CSN3: variants seen among roughly 807,000 people sequenced by gnomAD.
The protein encoded by CSN3 is casein kappa.
Under a neutral mutation model 9.9 loss-of-function variants are expected in CSN3, and 7 were observed. The ratio of observed to expected loss-of-function variants is 0.71; its 90% CI spans 0.40 to 1.33. The LOEUF is 1.33. Among genes scored for constraint, CSN3 ranks in the 40% most tolerant of loss-of-function variants. The pLI, the probability that CSN3 is intolerant of heterozygous loss-of-function variation, is 0.01. For missense variants in CSN3, 253 were observed against 227.9 expected, an observed-to-expected ratio of 1.11 and a Z score of -0.71; for synonymous variants, 88 against 82.3, an observed-to-expected ratio of 1.07 and a Z score of -0.37.
chr4:70,239,296 C>T (rs1514403), upstream of CSN3, among the ~76,000 whole-genome samples: 17,181 of 151,708 alleles, frequency 0.11, 1,276 homozygotes, highest in East Asian at 0.27. Flanking sequence ...GCTGCTACAA[C>T]ATTGAGTGGG....
chr4:70,242,418 G>A (rs975393451), upstream of CSN3, among the ~76,000 whole-genome samples: 1 of 119,838 alleles, frequency 8.3e-6, no homozygotes, highest in Non-Finnish European at 2.0e-5. Flanking sequence ...CCACTAACTC[G>A]TCATCTAGCA....
exon 4 of CSN3, chr4:70,249,203 A>G: frequency 6.2e-7 from 1 of 1,614,044 alleles, no homozygotes; most frequent in Non-Finnish European, 8.5e-7. Flanking sequence ...CAGCGGCAAT[A>G]CCTGCCAAAT....
At chr4:70,246,953 G>A (rs1296259332) in intron 2 of CSN3, among the ~76,000 whole-genome samples, 3 of 151,946 alleles carry the variant, frequency 2.0e-5, no homozygotes, top group Non-Finnish European at 4.4e-5. Context: ...ATTACAGGGT[G>A]AGACATGTGC....
chr4:70,245,422 A>C (rs1730358595), intron 2 of CSN3, among the ~76,000 whole-genome samples: 1 of 152,086 alleles, frequency 6.6e-6, no homozygotes, highest in African/African-American at 2.4e-5. Context: ...CAATTGACTG[A>C]CCCCTTTCCA....
intron 4 of CSN3, among the ~76,000 whole-genome samples, chr4:70,249,741 T>C (rs748828100): frequency 8.5e-5 from 13 of 152,316 alleles, no homozygotes; most frequent in Non-Finnish European, 1.9e-4. Flanking sequence ...TCAAACTTTT[T>C]TCTGACAATT....
intron 3 of CSN3, among the ~76,000 whole-genome samples, chr4:70,248,344 A>T (rs1730418693): frequency 6.6e-6 from 1 of 152,142 alleles, no homozygotes; most frequent in Non-Finnish European, 1.5e-5. Context: ...ATTTCTATTC[A>T]TATGGAAAGG....
upstream of CSN3, among the ~76,000 whole-genome samples, chr4:70,240,443 G>C (rs150444605): frequency 7.0e-4 from 107 of 152,064 alleles, no homozygotes; most frequent in Non-Finnish European, 1.2e-3. Flanking sequence ...CCTGTTGATG[G>C]ATGCATAAGT....
At chr4:70,241,744 T>C (rs1382414576), upstream of CSN3, among the ~76,000 whole-genome samples, 2 of 147,918 alleles carry the variant, frequency 1.4e-5, no homozygotes, top group Non-Finnish European at 3.0e-5. Context: ...AATTTTTTTT[T>C]CAAAATGGTT....
chr4:70,246,973 T>A (rs1030923982), intron 2 of CSN3, among the ~76,000 whole-genome samples: 5 of 152,196 alleles, frequency 3.3e-5, no homozygotes, highest in Admixed American at 6.5e-5. Context: ...CCCGGCCTCA[T>A]ATTACTTCTT....
chr4:70,240,540 T>G (rs960573559), upstream of CSN3, among the ~76,000 whole-genome samples: 2 of 151,978 alleles, frequency 1.3e-5, no homozygotes, highest in Non-Finnish European at 1.5e-5. Flanking sequence ...CCTTGGAGAT[T>G]TCAGAGCATG....
chr4:70,247,882 C>G (rs772341345), intron 3 of CSN3, 32 bp downstream of exon 3: 1 of 1,553,334 alleles, frequency 6.4e-7, no homozygotes, highest in Admixed American at 1.9e-5. Flanking sequence ...CTGTTACAGG[C>G]ATGAACTACA....
intron 4 of CSN3, among the ~76,000 whole-genome samples, chr4:70,250,354 T>C (rs1730458174): frequency 6.6e-6 from 1 of 152,128 alleles, no homozygotes; most frequent in Non-Finnish European, 1.5e-5. Flanking sequence ...CAGACAATGG[T>C]CTGTGATATC....
At chr4:70,240,473 C>T (rs532198978), upstream of CSN3, among the ~76,000 whole-genome samples, 90 of 152,062 alleles carry the variant, frequency 5.9e-4, no homozygotes, top group South Asian at 0.017. Flanking sequence ...CTGGTGGATT[C>T]GTTCCAGGTT....
chr4:70,247,839 A>G lies in CSN3; in HGVS notation c.76A>G (p.Lys26Glu), dbSNP rs758086400. The G allele has an allele frequency of 2.5e-6, 4 of 1,598,388 alleles. No individual in the cohort carries two copies. In the South Asian group the frequency reaches 4.6e-5, roughly 18 times the overall value. The stretch of plus-strand genomic sequence containing the variant: ...CCAGGCTGTGGAGGTTCAAAACCAG[A>G]AACAACCAGCAGTAAGTCTATTTTA... The change falls in exon 3 of 5, where the codon AAA (lysine) becomes GAA (glutamate). Residue 26 changes from lysine to glutamate, a missense_variant. By Grantham distance (56) the Lys-to-Glu change is moderately conservative. Coordinates refer to ENST00000304954, the Ensembl canonical transcript of CSN3.
At chr4:70,242,292 T>C (rs540850861), upstream of CSN3, among the ~76,000 whole-genome samples, 89 of 90,912 alleles carry the variant, frequency 9.8e-4, 11 homozygotes, top group South Asian at 0.034. Context: ...TATTTTATTT[T>C]ATTTTATTTT....
In CSN3 at chr4:70,251,294, C is replaced by G. The variant is rs920796598; in HGVS notation, c.*67C>G. ...TGAAACCAAATTACTACTTCACACT[C>G]TCCTTCAGCCATTTGTCTGCCTTCA... On this transcript the variant is annotated 3_prime_UTR_variant, in exon 5 of 5. Transcript: ENST00000304954. The G allele has an allele frequency of 7.2e-5, 11 of 152,284 alleles. No individual in the cohort carries two copies. The South Asian group carries it at 2.3e-3, about 32-fold the overall frequency. 9.4% of individuals were successfully genotyped at this position (152,284 alleles called of 1,614,324 possible). A position where few individuals can be genotyped will look rare whatever the true frequency, so the allele number is the denominator to read the frequency against.
chr4:70,242,177 C>T (rs1730284148), upstream of CSN3, among the ~76,000 whole-genome samples: 1 of 83,466 alleles, frequency 1.2e-5, no homozygotes, highest in African/African-American at 6.1e-5. Flanking sequence ...TTTAAAAATT[C>T]TTCTATATTT....
At chr4:70,244,455 C>T (rs1038900919) in intron 1 of CSN3, among the ~76,000 whole-genome samples, 1 of 152,046 alleles carries the variant, frequency 6.6e-6, no homozygotes, top group African/African-American at 2.4e-5. Context: ...ACTTTTGTGG[C>T]ATTTTCTACT....
chr4:70,248,946 C>A, intron 3 of CSN3, 52 bp from the exon 4 acceptor site: 1 of 1,329,692 alleles, frequency 7.5e-7, no homozygotes, highest in Non-Finnish European at 1.0e-6. Context: ...TAAGGTATTT[C>A]CACATTTGGG....
Sources: allele counts gnomAD v4.1 joint callset (sites outside exome capture counted in the v4.1 genomes callset), GRCh38; gene constraint gnomAD v4.1.1; transcripts MANE v1.5; gene names NCBI Gene and HGNC (gene_info 2026-07-23, HGNC 2026-07-21).